Variants in PTPRD observed in about 807,000 individuals in gnomAD.
PTPRD encodes the protein protein tyrosine phosphatase receptor type D.
Under a neutral mutation model 214.5 loss-of-function variants are expected in PTPRD, and 34 were observed. The observed-to-expected ratio is 0.16, with a 90% CI of 0.12 to 0.21. PTPRD has a LOEUF of 0.21. Among genes scored for constraint, PTPRD ranks in the 10% least tolerant of loss-of-function variants. The pLI is 1.00. For synonymous variants in PTPRD, 1,128 were observed against 845.7 expected (o/e 1.33, Z -5.79); for missense variants, 2,545 against 2,398.7 (o/e 1.06, Z -1.27).
At chr9:10,287,531 G>A (rs1366187516) in intron 3 of PTPRD, among the ~76,000 whole-genome samples, 3 of 152,072 alleles carry the variant, frequency 2.0e-5, no homozygotes, top group South Asian at 4.2e-4. Flanking sequence ...CATTGCTACT[G>A]CATGTATCCT....
chr9:9,055,554 G>C (rs558950433), intron 10 of PTPRD, among the ~76,000 whole-genome samples: 2 of 152,184 alleles, frequency 1.3e-5, no homozygotes, highest in Non-Finnish European at 2.9e-5. Context: ...GCTATCACAA[G>C]AGTAGACACA....
intron 5 of PTPRD, among the ~76,000 whole-genome samples, chr9:9,899,441 A>T (rs1212848442): frequency 1.3e-5 from 2 of 152,254 alleles, no homozygotes; most frequent in East Asian, 3.9e-4. Context: ...GGCTAAGTAT[A>T]TAAAAAAAGT....
chr9:8,566,416 C>G (rs1268748367), intron 14 of PTPRD, among the ~76,000 whole-genome samples: 1 of 152,128 alleles, frequency 6.6e-6, no homozygotes, highest in African/African-American at 2.4e-5. Flanking sequence ...GCTGTTTGAA[C>G]TATAAGACTA....
intron 14 of PTPRD, among the ~76,000 whole-genome samples, chr9:8,585,509 T>C (rs1254895618): frequency 6.6e-6 from 1 of 152,184 alleles, no homozygotes; most frequent in East Asian, 1.9e-4. Flanking sequence ...CATAAAAATG[T>C]GTAAGAATTG....
intron 9 of PTPRD, among the ~76,000 whole-genome samples, chr9:9,340,626 A>G (rs1039321140): frequency 5.9e-5 from 9 of 152,320 alleles, no homozygotes; most frequent in African/African-American, 2.2e-4. Context: ...ACGGAATTCA[A>G]TATCTGTTAG....
chr9:9,864,374 G>T (rs1336376234), intron 5 of PTPRD, among the ~76,000 whole-genome samples: 1 of 151,864 alleles, frequency 6.6e-6, no homozygotes, highest in South Asian at 2.1e-4. Flanking sequence ...TAGCTATGAA[G>T]TAAGAAGTTG....
chr9:9,793,017 T>C (rs977973941), intron 5 of PTPRD, among the ~76,000 whole-genome samples: 1 of 152,098 alleles, frequency 6.6e-6, no homozygotes, highest in Non-Finnish European at 1.5e-5. Flanking sequence ...AATTGGCCCA[T>C]TTATTGTAGG....
chr9:9,028,814 G>C (rs2099595469), intron 10 of PTPRD, among the ~76,000 whole-genome samples: 1 of 152,036 alleles, frequency 6.6e-6, no homozygotes, highest in South Asian at 2.1e-4. Flanking sequence ...GTGATGACTG[G>C]GGAAGTTTGC....
intron 11 of PTPRD, among the ~76,000 whole-genome samples, chr9:8,915,221 G>A (rs1189443217): frequency 1.3e-5 from 2 of 152,190 alleles, no homozygotes; most frequent in East Asian, 3.9e-4. Context: ...TGTGTGACGA[G>A]GAGGCATCAT....
intron 14 of PTPRD, among the ~76,000 whole-genome samples, chr9:8,555,867 AC>A: frequency 6.6e-6 from 1 of 152,204 alleles, no homozygotes; most frequent in East Asian, 1.9e-4. Flanking sequence ...CCACTGGACC[AC>A]GGGTCAAGGT....
chr9:8,604,765 T>A (rs1331632120), intron 14 of PTPRD, among the ~76,000 whole-genome samples: 1 of 152,128 alleles, frequency 6.6e-6, no homozygotes, highest in African/African-American at 2.4e-5. Context: ...AAAAGAGAAA[T>A]CAAGTAAGTC....
intron 14 of PTPRD, among the ~76,000 whole-genome samples, chr9:8,560,198 T>C (rs777363668): frequency 6.6e-6 from 1 of 152,300 alleles, no homozygotes; most frequent in Middle Eastern, 3.4e-3. Flanking sequence ...ACAATGTTTA[T>C]AATCTCTCAA....
intron 39 of PTPRD, among the ~76,000 whole-genome samples, chr9:8,373,640 TG>T (rs2082210458): frequency 6.7e-6 from 1 of 150,046 alleles, no homozygotes; most frequent in African/African-American, 2.5e-5. Context: ...TGTGTGTGTG[TG>T]TGTGTGTGTG....
intron 2 of PTPRD, among the ~76,000 whole-genome samples, chr9:10,504,156 G>C (rs550701365): frequency 9.4e-6 from 1 of 106,754 alleles, no homozygotes; most frequent in Non-Finnish European, 2.0e-5. Flanking sequence ...TACGGGGAAA[G>C]TGTCATTGAA....
At chr9:10,508,284 A>C (rs1048574943) in intron 2 of PTPRD, among the ~76,000 whole-genome samples, 50 of 152,152 alleles carry the variant, frequency 3.3e-4, no homozygotes, top group African/African-American at 1.2e-3. Context: ...ATCATTAAAA[A>C]GTCAGGAAAC....
chr9:9,422,528 C>T (rs973748131), intron 8 of PTPRD, among the ~76,000 whole-genome samples: 7 of 152,162 alleles, frequency 4.6e-5, no homozygotes, highest in South Asian at 2.1e-4. Flanking sequence ...CCCGGAAGGA[C>T]GGTAAATTCA....
intron 8 of PTPRD, among the ~76,000 whole-genome samples, chr9:9,535,999 T>G (rs143954877): frequency 9.9e-5 from 15 of 152,176 alleles, no homozygotes; most frequent in Non-Finnish European, 1.8e-4. Flanking sequence ...TAATGTCATA[T>G]CAACATAAAT....
At chr9:10,512,512 G>A (rs77241342) in intron 2 of PTPRD, among the ~76,000 whole-genome samples, 1 of 152,104 alleles carries the variant, frequency 6.6e-6, no homozygotes, top group Admixed American at 6.6e-5. Context: ...TGGTGGGTTG[G>A]GGGGAATGGA....
intron 14 of PTPRD, among the ~76,000 whole-genome samples, chr9:8,631,436 C>G (rs1255322661): frequency 6.6e-6 from 1 of 151,754 alleles, no homozygotes; most frequent in Non-Finnish European, 1.5e-5. Flanking sequence ...TGCTTTAGAA[C>G]TGGTGTTCAT....
Sources: allele counts gnomAD v4.1 joint callset (sites outside exome capture counted in the v4.1 genomes callset), GRCh38; gene constraint gnomAD v4.1.1; transcripts MANE v1.5; gene names NCBI Gene and HGNC (gene_info 2026-07-23, HGNC 2026-07-21).